Variants in ANKRD28 observed in about 807,000 individuals in gnomAD.
The protein encoded by ANKRD28 is serine/threonine-protein phosphatase 6 regulatory ankyrin repeat subunit A.
A neutral mutation model predicts 126.5 loss-of-function variants in ANKRD28; 44 were observed. The observed-to-expected ratio is 0.35, with a 90% CI of 0.27 to 0.45. The LOEUF (loss-of-function observed/expected upper bound fraction) is 0.45, where lower values mean the gene tolerates loss of function less well. ANKRD28 is among the 20% of genes least tolerant of loss of function. The probability of loss-of-function intolerance (pLI) is 1.00; values close to 1 mark genes in which losing one functional copy is unlikely to be tolerated. For synonymous variants in ANKRD28, 442 were observed against 468.5 expected, an observed-to-expected ratio of 0.94 and a Z score of 0.73; for missense variants, 1,110 against 1,316.6, an observed-to-expected ratio of 0.84 and a Z score of 2.43.
intron 1 of ANKRD28, among the ~76,000 whole-genome samples, chr3:15,804,953 T>C (rs2060544909): frequency 6.9e-6 from 1 of 145,054 alleles, no homozygotes; most frequent in Non-Finnish European, 1.5e-5. Flanking sequence ...ATTTTAACAC[T>C]ATAATGGGGG....
chr3:15,778,654 GACCCA>G (rs1437786276), intron 2 of ANKRD28, among the ~76,000 whole-genome samples: 1 of 151,984 alleles, frequency 6.6e-6, no homozygotes, highest in African/African-American at 2.4e-5. Context: ...CCTAACTCTA[GACCCA>G]GATTTAGAGT....
intron 2 of ANKRD28, among the ~76,000 whole-genome samples, chr3:15,794,776 A>G (rs916094193): frequency 6.6e-6 from 1 of 152,206 alleles, no homozygotes; most frequent in African/African-American, 2.4e-5. Flanking sequence ...CAAAAAGCAA[A>G]TCTGATCTTA....
upstream of ANKRD28, chr3:15,798,161 T>G (rs943230931): frequency 1.0e-6 from 1 of 985,308 alleles, no homozygotes; most frequent in African/African-American, 1.7e-5. Context: ...GGAAATCTGG[T>G]GTACTGCCTC....
intron 3 of ANKRD28, among the ~76,000 whole-genome samples, chr3:15,757,611 A>G (rs1327593609): frequency 2.6e-5 from 4 of 152,184 alleles, no homozygotes. Context: ...AAGTGGCCCA[A>G]GAGCGCTCCC....
chr3:15,701,889 G>C (rs769841080), intron 14 of ANKRD28, among the ~76,000 whole-genome samples: 3 of 152,028 alleles, frequency 2.0e-5, no homozygotes, highest in Non-Finnish European at 4.4e-5. Context: ...GAAAAAGCCT[G>C]CAAGTCTGTA....
chr3:15,738,833 G>A (rs1294042105), intron 4 of ANKRD28: 16 of 152,168 alleles, frequency 1.1e-4, no homozygotes, highest in Non-Finnish European at 2.2e-4. Flanking sequence ...GGAGCGCTAT[G>A]GGAGACTGGG....
At chr3:15,744,818 ACT>A (rs1249645771) in intron 4 of ANKRD28, among the ~76,000 whole-genome samples, 3 of 152,106 alleles carry the variant, frequency 2.0e-5, no homozygotes, top group Admixed American at 6.6e-5. Context: ...GAATTTCCAC[ACT>A]GTTTTCCATA....
intron 2 of ANKRD28, among the ~76,000 whole-genome samples, chr3:15,778,728 C>G (rs780932040): frequency 4.6e-5 from 7 of 152,172 alleles, no homozygotes; most frequent in Admixed American, 6.5e-5. Context: ...CAGCTTTGTG[C>G]TCTGCCAGAT....
At chr3:15,848,704 C>T (rs780911329) in intron 1 of ANKRD28, among the ~76,000 whole-genome samples, 2 of 151,484 alleles carry the variant, frequency 1.3e-5, no homozygotes, top group Non-Finnish European at 2.9e-5. Context: ...CAGCAGCTAA[C>T]AATCAATAAA....
chr3:15,828,750 C>T (rs115875419), intron 1 of ANKRD28, among the ~76,000 whole-genome samples: 201 of 152,228 alleles, frequency 1.3e-3, no homozygotes, highest in African/African-American at 4.2e-3. Flanking sequence ...GTTTGCACCA[C>T]GCTGCACTTG....
chr3:15,674,780 G>C (rs2066763548), intron 27 of ANKRD28, among the ~76,000 whole-genome samples: 1 of 152,186 alleles, frequency 6.6e-6, no homozygotes, highest in Non-Finnish European at 1.5e-5. Context: ...AACCAAGGAA[G>C]AGTGGGGTTC....
At chr3:15,755,352 CA>C (rs1364286253) in intron 3 of ANKRD28, among the ~76,000 whole-genome samples, 7 of 152,144 alleles carry the variant, frequency 4.6e-5, no homozygotes, top group African/African-American at 1.7e-4. Context: ...ACAAGAGCAG[CA>C]GTTGGCTGTG....
chr3:15,697,609 T>C (rs1471810915), intron 14 of ANKRD28, among the ~76,000 whole-genome samples: 3 of 152,134 alleles, frequency 2.0e-5, no homozygotes, highest in South Asian at 2.1e-4. Flanking sequence ...GCCGAGTTGA[T>C]TGTGGTGGGT....
chr3:15,674,813 A>G (rs1242092006), intron 27 of ANKRD28, among the ~76,000 whole-genome samples: 2 of 152,126 alleles, frequency 1.3e-5, no homozygotes, highest in Non-Finnish European at 2.9e-5. Flanking sequence ...AAAAAAATTT[A>G]TCAAAGGAAA....
At chr3:15,716,227 C>T (rs1235023835) in intron 8 of ANKRD28, among the ~76,000 whole-genome samples, 1 of 151,562 alleles carries the variant, frequency 6.6e-6, no homozygotes, top group Non-Finnish European at 1.5e-5. Flanking sequence ...AGTAATCCAC[C>T]CGCCTCGGCC....
chr3:15,819,534 A>C (rs1023996699), intron 1 of ANKRD28, among the ~76,000 whole-genome samples: 3 of 152,198 alleles, frequency 2.0e-5, no homozygotes, highest in African/African-American at 7.2e-5. Flanking sequence ...AGGTATAAAC[A>C]AAATAATATT....
intron 3 of ANKRD28, among the ~76,000 whole-genome samples, chr3:15,764,679 T>C (rs2058657727): frequency 6.6e-6 from 1 of 152,184 alleles, no homozygotes; most frequent in South Asian, 2.1e-4. Flanking sequence ...TCTTGGATGA[T>C]GTTTGTGTAG....
chr3:15,739,804 G>C (rs1404637236), intron 4 of ANKRD28, among the ~76,000 whole-genome samples: 1 of 152,198 alleles, frequency 6.6e-6, no homozygotes, highest in Non-Finnish European at 1.5e-5. Flanking sequence ...AATAGCACCA[G>C]TACTTAACAG....
At position 15,735,591 on chromosome 3, in the gene ANKRD28, G is replaced by C. The variant is rs931152608; in HGVS notation, c.553-94C>G. 1.2e-5 allele frequency: 11 copies of C among 953,408 alleles called. No individual in the cohort carries two copies. The African/African-American group carries it at 1.8e-4, about 16-fold the overall frequency. 59.1% of individuals were successfully genotyped at this position (953,408 alleles called of 1,614,324 possible). A position where few individuals can be genotyped will look rare whatever the true frequency, so the allele number is the denominator to read the frequency against. ...ACAGTTACTTATCTCAACTTCTCTG[G>C]CACTAAATTTCTGCAGTTGCTGAAC... On this transcript the variant is annotated intron_variant, in intron 5 of 27. Coordinates refer to ENST00000683139, the MANE Select transcript of ANKRD28 (RefSeq NM_001349278.2).
Sources: allele counts gnomAD v4.1 joint callset (sites outside exome capture counted in the v4.1 genomes callset), GRCh38; gene constraint gnomAD v4.1.1; transcripts MANE v1.5; gene names NCBI Gene and HGNC (gene_info 2026-07-23, HGNC 2026-07-21).